Variants in CNTN5 observed in about 807,000 individuals in gnomAD.
CNTN5 encodes the protein contactin-5.
CNTN5 carries 77 observed loss-of-function variants against 129.1 expected under a neutral mutation model. The observed-to-expected ratio is 0.60, with a 90% confidence interval of 0.50 to 0.72. CNTN5 has a LOEUF of 0.72. Among genes scored for constraint, CNTN5 ranks in the 30% least tolerant of loss-of-function variants. CNTN5 has a pLI of 0.00. For synonymous variants in CNTN5, 509 were observed against 465.6 expected, an observed-to-expected ratio of 1.09 and a Z score of -1.20; for missense variants, 1,478 against 1,328.8, an observed-to-expected ratio of 1.11 and a Z score of -1.75.
intron 8 of CNTN5, among the ~76,000 whole-genome samples, chr11:99,995,271 C>A (rs1205321774): frequency 5.3e-5 from 8 of 151,422 alleles, no homozygotes; most frequent in Non-Finnish European, 1.0e-4. Flanking sequence ...GGTCTAGAAG[C>A]CAAATCTTTG....
intron 21 of CNTN5, among the ~76,000 whole-genome samples, chr11:100,323,412 C>A (rs1454645154): frequency 6.6e-6 from 1 of 152,198 alleles, no homozygotes; most frequent in Non-Finnish European, 1.5e-5. Context: ...CATTCACAAA[C>A]AAAATAAGCC....
At chr11:99,236,099 C>T (rs906352760) in intron 1 of CNTN5, among the ~76,000 whole-genome samples, 2 of 152,080 alleles carry the variant, frequency 1.3e-5, no homozygotes, top group African/African-American at 2.4e-5. Flanking sequence ...AGACTTTGAC[C>T]TTGGCCAAAT....
chr11:99,168,842 A>G (rs963459767), intron 1 of CNTN5, among the ~76,000 whole-genome samples: 8 of 152,230 alleles, frequency 5.3e-5, no homozygotes, highest in Admixed American at 5.2e-4. Context: ...TATCTTTGAA[A>G]GATTTTTCTT....
intron 13 of CNTN5, among the ~76,000 whole-genome samples, chr11:100,081,485 C>T (rs1944361927): frequency 1.3e-5 from 2 of 152,152 alleles, no homozygotes. Context: ...GCTTGAACCT[C>T]CCTCCCACCT....
intron 1 of CNTN5, among the ~76,000 whole-genome samples, chr11:99,290,021 G>C (rs189697995): frequency 9.9e-5 from 15 of 151,736 alleles, no homozygotes; most frequent in African/African-American, 3.4e-4. Context: ...ATTGTATAAA[G>C]ACATTCTGCT....
intron 21 of CNTN5, among the ~76,000 whole-genome samples, chr11:100,324,780 T>G (rs1951757531): frequency 6.6e-6 from 1 of 152,212 alleles, no homozygotes. Flanking sequence ...TATCCATTAT[T>G]ATGTTTCTTC....
chr11:99,903,276 T>G (rs886311708), intron 6 of CNTN5, among the ~76,000 whole-genome samples: 1 of 151,876 alleles, frequency 6.6e-6, no homozygotes, highest in African/African-American at 2.4e-5. Context: ...AAGGGCTGTT[T>G]AGATTTTTAC....
chr11:100,163,167 A>G (rs1947516689), intron 13 of CNTN5, among the ~76,000 whole-genome samples: 1 of 151,848 alleles, frequency 6.6e-6, no homozygotes, highest in Non-Finnish European at 1.5e-5. Flanking sequence ...GCTTATTTAG[A>G]CATGACCTTT....
At chr11:99,179,243 A>G (rs1286261596) in intron 1 of CNTN5, among the ~76,000 whole-genome samples, 3 of 152,088 alleles carry the variant, frequency 2.0e-5, no homozygotes, top group Non-Finnish European at 4.4e-5. Context: ...GGACTTTCAG[A>G]CCAGCCTGGC....
intron 2 of CNTN5, among the ~76,000 whole-genome samples, chr11:99,477,791 A>T (rs114536792): frequency 0.025 from 3,878 of 152,090 alleles, 173 homozygotes; most frequent in African/African-American, 0.088. Context: ...CTCTAAAAAA[A>T]AAAAAAGGTA....
intron 13 of CNTN5, among the ~76,000 whole-genome samples, chr11:100,123,003 G>T (rs984979734): frequency 2.3e-4 from 33 of 143,856 alleles, no homozygotes; most frequent in African/African-American, 8.0e-4. Context: ...TAGATGTGGG[G>T]TGGGAGAGAA....
At chr11:100,025,234 G>T (rs1022727700) in intron 9 of CNTN5, among the ~76,000 whole-genome samples, 3 of 152,338 alleles carry the variant, frequency 2.0e-5, no homozygotes, top group Admixed American at 1.3e-4. Context: ...GTTTCAGAGG[G>T]TGCAAACCCC....
At chr11:100,152,744 T>G (rs1332417089) in intron 13 of CNTN5, among the ~76,000 whole-genome samples, 1 of 152,178 alleles carries the variant, frequency 6.6e-6, no homozygotes, top group Non-Finnish European at 1.5e-5. Flanking sequence ...TAACTCATTA[T>G]TAATGATTCT....
intron 13 of CNTN5, among the ~76,000 whole-genome samples, chr11:100,130,379 G>A (rs983230246): frequency 4.6e-5 from 7 of 152,076 alleles, no homozygotes; most frequent in Non-Finnish European, 1.0e-4. Flanking sequence ...CTGCTCTCAC[G>A]TACCTTAGAA....
chr11:99,099,551 C>T (rs1054244966), intron 1 of CNTN5, among the ~76,000 whole-genome samples: 2 of 7,110 alleles, frequency 2.8e-4, no homozygotes, highest in African/African-American at 1.3e-3. Context: ...AATGTGTATA[C>T]ACACACACAC....
intron 3 of CNTN5, among the ~76,000 whole-genome samples, chr11:99,585,711 A>C (rs771016601): frequency 1.1e-4 from 16 of 152,172 alleles, no homozygotes; most frequent in Non-Finnish European, 1.6e-4. Context: ...CTACTTTAGC[A>C]CAAAGTTAAA....
chr11:99,432,011 A>T (rs11219877), intron 2 of CNTN5, among the ~76,000 whole-genome samples: 26,289 of 152,150 alleles, frequency 0.17, 2,409 homozygotes, highest in Middle Eastern at 0.3. Flanking sequence ...TCAAATATGT[A>T]TTCCTCTCCA....
intron 13 of CNTN5, among the ~76,000 whole-genome samples, chr11:100,122,898 A>T (rs150718985): frequency 1.3e-5 from 2 of 152,140 alleles, no homozygotes; most frequent in African/African-American, 4.8e-5. Flanking sequence ...GGCAATGAGG[A>T]TGTAAGCAAG....
At chr11:99,379,270 A>G (rs929073612) in intron 2 of CNTN5, among the ~76,000 whole-genome samples, 1 of 150,702 alleles carries the variant, frequency 6.6e-6, no homozygotes, top group South Asian at 2.1e-4. Flanking sequence ...TAATTAATTA[A>G]TTATACGAAT....
Sources: allele counts gnomAD v4.1 joint callset (sites outside exome capture counted in the v4.1 genomes callset), GRCh38; gene constraint gnomAD v4.1.1; transcripts MANE v1.5; gene names NCBI Gene and HGNC (gene_info 2026-07-23, HGNC 2026-07-21).